The following LRIG3 variants were observed in gnomAD, a reference collection of about 807,000 sequenced individuals.
LRIG3 encodes the protein leucine rich repeats and immunoglobulin like domains 3.
Under a neutral mutation model 114.5 loss-of-function variants are expected in LRIG3, and 76 were observed. The observed-to-expected ratio is 0.66, with a 90% confidence interval of 0.55 to 0.80. The LOEUF is 0.80. Among genes scored for constraint, LRIG3 ranks in the 30% least tolerant of loss-of-function variants. The pLI is 0.00. For synonymous variants in LRIG3, 512 were observed against 519.8 expected, an observed-to-expected ratio of 0.98 and a Z score of 0.20; for missense variants, 1,239 against 1,382.8, an observed-to-expected ratio of 0.90 and a Z score of 1.65.
intron 3 of LRIG3, among the ~76,000 whole-genome samples, chr12:58,894,230 C>T (rs987542809): frequency 7.2e-5 from 11 of 152,192 alleles, no homozygotes; most frequent in South Asian, 2.1e-4. Context: ...CTAGACGGAG[C>T]GTGCACAGTG....
At chr12:58,890,945 C>A (rs1233250402) in intron 3 of LRIG3, 149 bp from the exon 4 acceptor site, 1 of 531,544 alleles carries the variant, frequency 1.9e-6, no homozygotes. Flanking sequence ...AATACCATGG[C>A]CATTTTAAGT....
chr12:58,912,856 A>G (rs1324929403), intron 3 of LRIG3, among the ~76,000 whole-genome samples: 1 of 152,280 alleles, frequency 6.6e-6, no homozygotes, highest in Non-Finnish European at 1.5e-5. Context: ...AAAGGTATTT[A>G]TGCTAGCATA....
rs766321006 is a variant in LRIG3, at chr12:58,888,965, G to T, written c.660-3C>A. The T allele has an allele frequency of 2.4e-5, 39 of 1,611,800 alleles. No individual in the cohort carries two copies. Among genetic ancestry groups the T allele is most frequent in the Non-Finnish European group, 3.2e-5 (38 of 1,179,186 alleles). ...TAATCTTGTTTCGGTTCAATTCGCT[G>T]CATTGAGTATTACAAGAGTTAGCTT... is the stretch of plus-strand genomic sequence containing the variant. On this transcript the variant is annotated splice_polypyrimidine_tract_variant and splice_region_variant and intron_variant, in intron 5 of 18. Transcript: ENST00000320743.
rs1872631538 is a variant in LRIG3 at position 58,920,382 on chromosome 12, T to C, written c.-147A>G. Reference sequence around the variant, plus strand: ...GCGCTGCCCGGTCAATTCCTTCTTTTACTCCCGGCGGCGAAGCCCTTTCAT... The same window carrying C: ...GCGCTGCCCGGTCAATTCCTTCTTTCACTCCCGGCGGCGAAGCCCTTTCAT... On this transcript the variant is annotated 5_prime_UTR_variant, in exon 1 of 19. It removes the in-frame stop codon of an upstream open reading frame in the 5' UTR. Transcript: ENST00000320743. 1 of 527,574 alleles carries C rather than the reference T, an allele frequency of 1.9e-6. No homozygotes were observed. The highest frequency in any genetic ancestry group is 3.6e-5 in the East Asian group (1 of 27,546). The allele number at this position is 527,574 out of a possible 1,614,324, so 32.7% of individuals were successfully genotyped here.
intron 3 of LRIG3, among the ~76,000 whole-genome samples, chr12:58,896,691 C>T (rs943800360): frequency 3.3e-5 from 5 of 152,070 alleles, no homozygotes; most frequent in African/African-American, 9.7e-5. Flanking sequence ...TTTGCAATAC[C>T]GTCTTTCCTT....
chr12:58,896,741 A>C (rs1207555108), intron 3 of LRIG3, among the ~76,000 whole-genome samples: 1 of 152,228 alleles, frequency 6.6e-6, no homozygotes, highest in Non-Finnish European at 1.5e-5. Context: ...AGTCCAATTC[A>C]GTGATTGCAA....
At position 58,920,198 on chromosome 12, in the gene LRIG3, A is replaced by C. The variant is rs1872623579; in HGVS notation, c.38T>G (p.Leu13Trp). The change falls in exon 1 of 19, where the codon TTG becomes TGG. Residue 13 changes from leucine (L) to tryptophan (W), a missense_variant. Leu to Trp is a moderately conservative substitution (Grantham distance 61). Coordinates refer to ENST00000320743, the MANE Select transcript of LRIG3 (RefSeq NM_153377.5). ...APSLRARAAGLGLLLCAVLGR... is the reference protein window; with the variant it reads ...APSLRARAAGWGLLLCAVLGR... ...CAGCACCGCGCACAGCAGCAGCCCC[A>C]ACCCCGCGGCGCGCGCACGGAGGCT... 1.4e-6 allele frequency: 2 copies of C among 1,421,918 alleles called. No individual in the cohort carries two copies. Among genetic ancestry groups the C allele is most frequent in the South Asian group, 3.0e-5 (2 of 65,684 alleles). The allele number at this position is 1,421,918 out of a possible 1,614,324, so 88.1% of individuals were successfully genotyped here.
Position 58,872,602 on chromosome 12 carries a change from T to C in LRIG3, c.3330A>G (p.Pro1110=). The C allele has an allele frequency of 6.2e-7, 1 of 1,613,782 alleles. No homozygotes were observed. The highest frequency in any genetic ancestry group is 8.5e-7 in the Non-Finnish European group (1 of 1,179,838). Residue 1110 remains proline, a synonymous_variant, in exon 19 of 19, where the codon CCA becomes CCG. Transcript: ENST00000320743. ...TGTCCAAGTCATAAGACTGAAAATTTGGAGTCCTGTAGTTTTCTAAAGTCT... is the reference window on the plus strand; with the variant it reads ...TGTCCAAGTCATAAGACTGAAAATTCGGAGTCCTGTAGTTTTCTAAAGTCT... ...FKQTLENYRT[P]NFQSYDLDT
intron 3 of LRIG3, among the ~76,000 whole-genome samples, chr12:58,899,116 G>T (rs148338338): frequency 2.0e-5 from 3 of 152,294 alleles, no homozygotes; most frequent in Admixed American, 6.5e-5. Flanking sequence ...ACACCTTCAG[G>T]GCTTCTTTTT....
intron 10 of LRIG3, among the ~76,000 whole-genome samples, chr12:58,884,054 A>G (rs1871197636): frequency 6.6e-6 from 1 of 152,252 alleles, no homozygotes; most frequent in Non-Finnish European, 1.5e-5. Context: ...ACAACAACCC[A>G]AAATATGATG....
At chr12:58,877,178 C>T (rs1028430461) in intron 15 of LRIG3, among the ~76,000 whole-genome samples, 1 of 152,192 alleles carries the variant, frequency 6.6e-6, no homozygotes, top group African/African-American at 2.4e-5. Context: ...TATCTCACAG[C>T]CACAGGATAC....
chr12:58,883,032 C>A lies in LRIG3; in HGVS notation c.1317G>T (p.Leu439Phe), dbSNP rs1171907921. The change falls in exon 12 of 19, where the codon TTG (leucine) becomes TTT (phenylalanine). Residue 439 changes from leucine (L) to phenylalanine (F), a missense_variant and splice_region_variant. Coordinates refer to ENST00000320743, the MANE Select transcript of LRIG3 (RefSeq NM_153377.5). ...AFSQMKKLQQLHLNTSSLLCD... is the reference protein window; with the variant it reads ...AFSQMKKLQQFHLNTSSLLCD... ...ACAAAAGGCTTGATGTATTTAAATG[C>A]CTGAGGAGAGTAATTACATTCAATT... The A allele has an allele frequency of 6.2e-7, 1 of 1,605,102 alleles. No individual in the cohort carries two copies. The highest frequency in any genetic ancestry group is 1.3e-5 in the African/African-American group (1 of 74,574).
chr12:58,907,724 G>T (rs1369285787), intron 3 of LRIG3, among the ~76,000 whole-genome samples: 2 of 152,230 alleles, frequency 1.3e-5, no homozygotes. Context: ...CAGGTTAGTA[G>T]TGTGAGACGA....
intron 1 of LRIG3, 167 bp from the exon 2 acceptor site, chr12:58,914,503 G>A: frequency 1.8e-6 from 1 of 564,686 alleles, no homozygotes; most frequent in Non-Finnish European, 3.1e-6. Flanking sequence ...AAAAATACAA[G>A]CTCCAAGGAC....
intron 18 of LRIG3, among the ~76,000 whole-genome samples, 153 bp from the exon 19 acceptor site, chr12:58,872,969 T>C (rs1283497074): frequency 6.6e-6 from 1 of 152,238 alleles, no homozygotes; most frequent in Non-Finnish European, 1.5e-5. Context: ...TGTACATCTG[T>C]CTTACAGCCA....
At chr12:58,880,088 C>T (rs143329830) in intron 13 of LRIG3, among the ~76,000 whole-genome samples, 2 of 151,980 alleles carry the variant, frequency 1.3e-5, no homozygotes, top group African/African-American at 2.4e-5. Context: ...CAAGGTCAGG[C>T]GTTCGAGACC....
chr12:58,915,066 C>G (rs1412178753), intron 1 of LRIG3, among the ~76,000 whole-genome samples: 29 of 152,192 alleles, frequency 1.9e-4, no homozygotes, highest in Non-Finnish European at 2.9e-5. Flanking sequence ...CATAGAACAT[C>G]ATTACTATTA....
intron 3 of LRIG3, among the ~76,000 whole-genome samples, chr12:58,902,426 A>G (rs1305420926): frequency 6.6e-6 from 1 of 152,142 alleles, no homozygotes; most frequent in Non-Finnish European, 1.5e-5. Flanking sequence ...TGTTACCTTA[A>G]TATTTCATTT....
rs1872634375 is a variant in LRIG3 at position 58,920,444 on chromosome 12, C to T, written c.-209G>A. ...GCAGGAGGGAAACCGAAAAGAACTGCCAACTGCAACAGAGTTGCAGCTTGA... is the reference window on the plus strand; with the variant it reads ...GCAGGAGGGAAACCGAAAAGAACTGTCAACTGCAACAGAGTTGCAGCTTGA... On this transcript the variant is annotated 5_prime_UTR_variant, in exon 1 of 19. Coordinates refer to ENST00000320743, the MANE Select transcript of LRIG3 (RefSeq NM_153377.5). The T allele has an allele frequency of 2.5e-6, 1 of 408,120 alleles. No homozygotes were observed. The highest frequency in any genetic ancestry group is 4.3e-6 in the Non-Finnish European group (1 of 233,806). The allele number at this position is 408,120 out of a possible 1,614,324, so 25.3% of individuals were successfully genotyped here.
Sources: allele counts gnomAD v4.1 joint callset (sites outside exome capture counted in the v4.1 genomes callset), GRCh38; gene constraint gnomAD v4.1.1; transcripts MANE v1.5; gene names NCBI Gene and HGNC (gene_info 2026-07-23, HGNC 2026-07-21).